MICU1: variants seen among roughly 807,000 people sequenced by gnomAD.
MICU1 encodes the protein mitochondrial calcium uptake 1, also known as calcium uptake protein 1, mitochondrial.
Under a neutral mutation model 56.8 loss-of-function variants are expected in MICU1, and 45 were observed. The ratio of observed to expected loss-of-function variants is 0.79; its 90% CI spans 0.62 to 1.02. MICU1 has a LOEUF of 1.02. Among genes scored for constraint, MICU1 ranks in the 50% least tolerant of loss-of-function variants. MICU1 has a pLI of 0.00. For missense variants in MICU1, 504 were observed against 587.1 expected (o/e 0.86, Z 1.46); for synonymous variants, 186 against 195.1 (o/e 0.95, Z 0.39).
chr10:72,540,215 C>T (rs1839736177), intron 4 of MICU1, among the ~76,000 whole-genome samples: 1 of 147,248 alleles, frequency 6.8e-6, no homozygotes, highest in Non-Finnish European at 1.5e-5. Flanking sequence ...TGCAGTGAGC[C>T]GAGATTGTGC....
At chr10:72,611,202 C>G (rs1841837563) in intron 1 of MICU1, among the ~76,000 whole-genome samples, 1 of 151,720 alleles carries the variant, frequency 6.6e-6, no homozygotes, top group African/African-American at 2.4e-5. Flanking sequence ...ACTCGGGAGG[C>G]TGAGGCAGGA....
At chr10:72,524,284 A>G (rs188677897) in intron 5 of MICU1, among the ~76,000 whole-genome samples, 17 of 152,230 alleles carry the variant, frequency 1.1e-4, no homozygotes, top group Admixed American at 1.0e-3. Flanking sequence ...ATGTTTTCAT[A>G]GAGATGAGGT....
At chr10:72,600,435 G>T (rs1395892791) in intron 1 of MICU1, among the ~76,000 whole-genome samples, 1 of 151,956 alleles carries the variant, frequency 6.6e-6, no homozygotes, top group Non-Finnish European at 1.5e-5. Flanking sequence ...GATCACCTGA[G>T]GTTGGGAGTT....
At chr10:72,519,456 CTT>C (rs1195739299) in intron 5 of MICU1, among the ~76,000 whole-genome samples, 2 of 152,166 alleles carry the variant, frequency 1.3e-5, no homozygotes, top group Admixed American at 6.5e-5. Flanking sequence ...TGAAAGTAAA[CTT>C]ATTATATAGC....
chr10:72,622,159 G>A (rs1289383237), intron 1 of MICU1, among the ~76,000 whole-genome samples: 5 of 151,028 alleles, frequency 3.3e-5, no homozygotes, highest in Non-Finnish European at 7.4e-5. Flanking sequence ...TCCTGACCTC[G>A]TGATCTGCCG....
intron 11 of MICU1, among the ~76,000 whole-genome samples, chr10:72,375,238 A>G (rs1199036037): frequency 2.0e-5 from 3 of 152,176 alleles, no homozygotes; most frequent in Non-Finnish European, 4.4e-5. Context: ...ATCCGTTGTT[A>G]TTGTTGTTAT....
At chr10:72,419,796 A>C (rs538900919) in intron 9 of MICU1, among the ~76,000 whole-genome samples, 12 of 152,302 alleles carry the variant, frequency 7.9e-5, no homozygotes, top group African/African-American at 2.6e-4. Flanking sequence ...GGCAGAAGTT[A>C]GTCTCAAGTT....
At position 72,368,469 on chromosome 10, in the gene MICU1, CA is replaced by C. The variant is rs1862220841; in HGVS notation, c.1271-115del. The C allele has an allele frequency of 2.7e-6, 3 of 1,122,550 alleles. No homozygotes were observed. The East Asian group carries it at 7.3e-5, about 27-fold the overall frequency. The allele number at this position is 1,122,550 out of a possible 1,614,324, so 69.5% of individuals were successfully genotyped here. The stretch of plus-strand genomic sequence containing the variant: ...TCAAAGCCCAGACATTCTCCACAGC[CA>C]AACTCAATTCTCTTATCCTAGAATT... On this transcript the variant is annotated intron_variant, in intron 11 of 11. Transcript: ENST00000361114.
At chr10:72,615,813 A>G (rs1193237375) in intron 1 of MICU1, among the ~76,000 whole-genome samples, 1 of 152,036 alleles carries the variant, frequency 6.6e-6, no homozygotes, top group East Asian at 1.9e-4. Context: ...ACACAGTGAA[A>G]CCCTGTCTCT....
intron 6 of MICU1, chr10:72,477,604 C>G: frequency 6.8e-7 from 1 of 1,463,440 alleles, no homozygotes; most frequent in Non-Finnish European, 9.2e-7. Context: ...TATTACTTAT[C>G]TGGGCAAGAA....
At chr10:72,510,270 A>AT (rs1867400181) in intron 5 of MICU1, among the ~76,000 whole-genome samples, 1 of 152,198 alleles carries the variant, frequency 6.6e-6, no homozygotes, top group Non-Finnish European at 1.5e-5. Flanking sequence ...TGAGTTTGAC[A>AT]TAACTTCAAA....
At chr10:72,547,970 G>C (rs924276402) in intron 4 of MICU1, among the ~76,000 whole-genome samples, 5 of 152,204 alleles carry the variant, frequency 3.3e-5, no homozygotes, top group Admixed American at 6.5e-5. Flanking sequence ...CTGTATATCA[G>C]AATTGATCAT....
chr10:72,572,142 T>C (rs1840627237), intron 1 of MICU1, among the ~76,000 whole-genome samples: 2 of 152,120 alleles, frequency 1.3e-5, no homozygotes. Flanking sequence ...GGAAAAAAGC[T>C]CACTCACTGG....
chr10:72,456,847 TTTTGTGTGTGTGTGTGTGTGTG>T (rs1205686537), intron 8 of MICU1, among the ~76,000 whole-genome samples: 13 of 100,818 alleles, frequency 1.3e-4, no homozygotes, highest in Admixed American at 2.2e-4. Flanking sequence ...GCCGGGCTCA[TTTTGTGTGTGTGTGTGTGTGTG>T]TGTGTGTGTG....
chr10:72,411,591 A>G (rs1050030856), intron 9 of MICU1, among the ~76,000 whole-genome samples: 29 of 152,114 alleles, frequency 1.9e-4, no homozygotes, highest in African/African-American at 7.0e-4. Context: ...TCGGCCTCCC[A>G]AAGTGCTGGG....
At position 72,485,553 on chromosome 10, in the gene MICU1, T is replaced by C. The variant is rs1254267229; in HGVS notation, c.653-8297A>G. Among the ~76,000 whole-genome samples the C allele has an allele frequency of 2.8e-5, 4 of 140,586 alleles. No individual in the cohort carries two copies. The Admixed American group carries it at 2.9e-4, about 10-fold the overall frequency. The allele number at this position is 140,586 out of a possible 152,430, so 92.2% of individuals were successfully genotyped here. A position where few individuals can be genotyped will look rare whatever the true frequency, so the allele number is the denominator to read the frequency against. On this transcript the variant is annotated intron_variant, in intron 6 of 11. Coordinates refer to ENST00000361114, the MANE Select transcript of MICU1 (RefSeq NM_001195518.2). The stretch of plus-strand genomic sequence containing the variant: ...GGTACTATTAATGTCCGTTTCCAGT[T>C]AAAAAAAAAAAAGAGAAGACTAAAG...
intron 4 of MICU1, among the ~76,000 whole-genome samples, chr10:72,540,018 A>T (rs1412304152): frequency 6.6e-6 from 1 of 152,220 alleles, no homozygotes; most frequent in Non-Finnish European, 1.5e-5. Context: ...CTGTAATCCC[A>T]GCACTTTGGG....
intron 10 of MICU1, among the ~76,000 whole-genome samples, chr10:72,382,318 G>T (rs1589155287): frequency 6.6e-6 from 1 of 151,284 alleles, no homozygotes; most frequent in African/African-American, 2.4e-5. Context: ...CGCCATGTTG[G>T]CTAGGCTGGT....
At chr10:72,414,285 T>C (rs1863914481) in intron 9 of MICU1, among the ~76,000 whole-genome samples, 1 of 152,138 alleles carries the variant, frequency 6.6e-6, no homozygotes, top group African/African-American at 2.4e-5. Flanking sequence ...TCTTCTGCAA[T>C]AGAAAATAAT....
Sources: allele counts gnomAD v4.1 joint callset (sites outside exome capture counted in the v4.1 genomes callset), GRCh38; gene constraint gnomAD v4.1.1; transcripts MANE v1.5; gene names NCBI Gene and HGNC (gene_info 2026-07-23, HGNC 2026-07-21).